Variants in BEND7 observed in about 807,000 individuals in gnomAD.
BEND7 encodes BEN domain-containing protein 7.
Under a neutral mutation model 50.9 loss-of-function variants are expected in BEND7, and 28 were observed. The ratio of observed to expected loss-of-function variants is 0.55; its 90% CI spans 0.41 to 0.75. The LOEUF (loss-of-function observed/expected upper bound fraction) is 0.75. Ranked by LOEUF, BEND7 falls within the 30% of genes least tolerant of loss-of-function variation. The probability of loss-of-function intolerance (pLI) is 0.00; values close to 1 mark genes in which losing one functional copy is unlikely to be tolerated. For synonymous variants in BEND7, 170 were observed against 183.9 expected (o/e 0.92, Z 0.61); for missense variants, 477 against 491.3 (o/e 0.97, Z 0.28).
chr10:13,513,643 C>G (rs952747222), intron 2 of BEND7, among the ~76,000 whole-genome samples: 2 of 152,178 alleles, frequency 1.3e-5, no homozygotes, highest in Non-Finnish European at 2.9e-5. Flanking sequence ...CTTGGTATCA[C>G]TCCATGGGGC....
intron 7 of BEND7, among the ~76,000 whole-genome samples, chr10:13,447,713 T>G (rs1588626061): frequency 1.3e-5 from 2 of 152,140 alleles, no homozygotes; most frequent in Middle Eastern, 3.4e-3. Flanking sequence ...CTGGCTAATT[T>G]TTTGTATTTT....
chr10:13,499,317 G>C (rs1259557136), intron 3 of BEND7, among the ~76,000 whole-genome samples: 1 of 151,942 alleles, frequency 6.6e-6, no homozygotes, highest in Non-Finnish European at 1.5e-5. Context: ...TGGGTTATCG[G>C]CCCCCCACCC....
intron 1 of BEND7, among the ~76,000 whole-genome samples, chr10:13,526,425 T>C (rs1376533145): frequency 1.3e-5 from 2 of 152,198 alleles, no homozygotes; most frequent in African/African-American, 4.8e-5. Flanking sequence ...ACTTGAAAGA[T>C]TACTTTGGCT....
chr10:13,511,699 T>G (rs535335820), intron 2 of BEND7, among the ~76,000 whole-genome samples: 2 of 151,652 alleles, frequency 1.3e-5, no homozygotes, highest in African/African-American at 4.8e-5. Context: ...GTTAAAGCTA[T>G]GAATACCACT....
intron 2 of BEND7, among the ~76,000 whole-genome samples, chr10:13,522,985 T>A (rs1434248646): frequency 6.6e-6 from 1 of 152,216 alleles, no homozygotes; most frequent in Non-Finnish European, 1.5e-5. Context: ...CTCAAACAAC[T>A]GTAGCTCTTA....
chr10:13,465,982 G>T (rs1201738530), intron 6 of BEND7, among the ~76,000 whole-genome samples: 1 of 151,994 alleles, frequency 6.6e-6, no homozygotes, highest in African/African-American at 2.4e-5. Flanking sequence ...TGTCTAAAAG[G>T]AAGTGCCAAA....
chr10:13,518,781 C>T (rs973362164), intron 2 of BEND7, among the ~76,000 whole-genome samples: 1 of 152,172 alleles, frequency 6.6e-6, no homozygotes. Context: ...CACTAAATGT[C>T]TCTAAAATCT....
intron 3 of BEND7, among the ~76,000 whole-genome samples, chr10:13,499,328 CT>C (rs2077269337): frequency 6.6e-6 from 1 of 151,978 alleles, no homozygotes; most frequent in South Asian, 2.1e-4. Context: ...CCCCCCACCC[CT>C]GTCCGCCCCC....
In BEND7 at chr10:13,528,513, T is replaced by C. The variant is rs1170128000; in HGVS notation, c.21A>G (p.Lys7=). 2.9e-6 allele frequency: 3 copies of C among 1,038,476 alleles called. No homozygotes were observed. The highest frequency in any genetic ancestry group is 3.5e-6 in the Non-Finnish European group (3 of 863,686). The allele number at this position is 1,038,476 out of a possible 1,614,324, so 64.3% of individuals were successfully genotyped here. A position where few individuals can be genotyped will look rare whatever the true frequency, so the allele number is the denominator to read the frequency against. The change falls in exon 1 of 9, where the codon AAA becomes AAG. Residue 7 remains lysine (K), a synonymous_variant. Transcript: ENST00000466271. ...TGAAGCTCTGGGATTTCCTGCTTCT[T>C]TTCCTCTCGGAGAACTCCATGGTGC... MEFSER[K]RSRKSQSFKL...
chr10:13,496,986 G>A, intron 3 of BEND7, 98 bp from the exon 4 acceptor site: 1 of 1,385,518 alleles, frequency 7.2e-7, no homozygotes, highest in Non-Finnish European at 9.4e-7. Context: ...ATCTTGGCAG[G>A]ATTTTGAAGC....
At chr10:13,467,614 A>G (rs2074383436) in intron 6 of BEND7, among the ~76,000 whole-genome samples, 1 of 152,198 alleles carries the variant, frequency 6.6e-6, no homozygotes, top group African/African-American at 2.4e-5. Context: ...TAATTCCTAT[A>G]TGCCATTTGA....
At chr10:13,472,354 G>A (rs551054108) in intron 6 of BEND7, among the ~76,000 whole-genome samples, 45 of 150,408 alleles carry the variant, frequency 3.0e-4, no homozygotes, top group Admixed American at 5.3e-4. Context: ...CATCATCATT[G>A]CTGTTAGACT....
At position 13,527,283 on chromosome 10, in the gene BEND7, A is replaced by G. The variant is rs190659220; in HGVS notation, c.62-1062T>C. ...CCAAGTATTTTGAATGCGTGAAACT[A>G]TTTCAGGCCTCTTTCATTAAACAGT... On this transcript the variant is annotated intron_variant, in intron 1 of 8. Transcript: ENST00000466271. 3.3e-5 allele frequency among the ~76,000 whole-genome samples: 5 copies of G among 152,330 alleles called. 1 individual carries two copies. The highest frequency in any genetic ancestry group is 3.4e-3 in the Middle Eastern group (1 of 294).
chr10:13,488,673 G>C (rs1201585307), intron 5 of BEND7, among the ~76,000 whole-genome samples: 2 of 152,104 alleles, frequency 1.3e-5, no homozygotes, highest in Non-Finnish European at 2.9e-5. Flanking sequence ...ATTTTCAGTA[G>C]AGACGGGGTT....
chr10:13,500,080 C>G lies in BEND7; in HGVS notation c.146G>C (p.Gly49Ala). ...CTTTTTTATTTCCATGCTTTCATCT[C>G]CTAATGGAAACAGGGCCAAAGTTAG... Reference protein sequence around the residue: ...EAKETQPIFLGDESMEIKKQI... With the variant: ...EAKETQPIFLADESMEIKKQI... Residue 49 changes from glycine (G) to alanine (A), a missense_variant and splice_region_variant, in exon 3 of 9, where the codon GGA becomes GCA. Gly to Ala is a moderately conservative substitution (Grantham distance 60). Transcript: ENST00000466271. The G allele has an allele frequency of 6.3e-7, 1 of 1,582,716 alleles. No individual in the cohort carries two copies.
intron 5 of BEND7, among the ~76,000 whole-genome samples, chr10:13,482,953 A>G (rs1292947331): frequency 1.3e-5 from 2 of 152,212 alleles, no homozygotes; most frequent in Non-Finnish European, 2.9e-5. Context: ...TTTATTCATA[A>G]CCAGAGTTTT....
At chr10:13,439,333 C>T (rs759236459), downstream of BEND7, 2 of 1,614,194 alleles carry the variant, frequency 1.2e-6, no homozygotes, top group African/African-American at 1.3e-5. Flanking sequence ...GCTCCTGTTT[C>T]AGCTCTGTCT....
rs896818139 is a variant in BEND7, at chr10:13,496,954, A to T, written c.449-66T>A. 6.2e-6 allele frequency: 9 copies of T among 1,449,336 alleles called. No individual in the cohort carries two copies. In the Admixed American group the frequency reaches 2.3e-4, roughly 36 times the overall value. The allele number at this position is 1,449,336 out of a possible 1,614,324, so 89.8% of individuals were successfully genotyped here. On this transcript the variant is annotated intron_variant, in intron 3 of 8. Transcript: ENST00000466271. ...AAAAAAAAAAAAAAAAATCATAAAG[A>T]GGTGGAGAGAAAAAAGAAAGTATCT...
At position 13,466,645 on chromosome 10, in the gene BEND7, C is replaced by T. The variant is rs577043254; in HGVS notation, c.1064-13987G>A. 5.9e-5 allele frequency among the ~76,000 whole-genome samples: 9 copies of T among 152,104 alleles called. No individual in the cohort carries two copies. The South Asian group carries it at 1.7e-3, about 28-fold the overall frequency. ...AACTCATTTATTTATTTTATAGAAT[C>T]GAATGCTGAGGCTCAAGCAACACAA... is the stretch of plus-strand genomic sequence containing the variant. On this transcript the variant is annotated intron_variant, in intron 6 of 8. Transcript: ENST00000466271.
Sources: allele counts gnomAD v4.1 joint callset (sites outside exome capture counted in the v4.1 genomes callset), GRCh38; gene constraint gnomAD v4.1.1; transcripts MANE v1.5; gene names NCBI Gene and HGNC (gene_info 2026-07-23, HGNC 2026-07-21).